Variants in AK4 observed in about 807,000 individuals in gnomAD.
AK4 encodes adenylate kinase 4, mitochondrial.
In AK4, 13 loss-of-function variants were observed where a neutral mutation model predicts 24.6. That is an observed-to-expected ratio of 0.53 (90% CI 0.34 to 0.84). The LOEUF (loss-of-function observed/expected upper bound fraction) is 0.84. AK4 is among the 40% of genes least tolerant of loss of function. The pLI is 0.01. For synonymous variants in AK4, 88 were observed against 107.0 expected, an observed-to-expected ratio of 0.82 and a Z score of 1.10; for missense variants, 192 against 288.2, an observed-to-expected ratio of 0.67 and a Z score of 2.42.
chr1:65,164,296 T>G (rs1441180667), intron 1 of AK4, among the ~76,000 whole-genome samples: 1 of 152,128 alleles, frequency 6.6e-6, no homozygotes, highest in Non-Finnish European at 1.5e-5. Context: ...GTCGGTTAGG[T>G]CTGATTTCTT....
At chr1:65,148,152 TGGA>T (rs1325004302), upstream of AK4, 1 of 645,602 alleles carries the variant, frequency 1.5e-6, no homozygotes, top group African/African-American at 1.9e-5. Context: ...GGCGAGGAGG[TGGA>T]GGAGGGCGAG....
chr1:65,225,935 G>A, intron 4 of AK4, 128 bp from the exon 5 acceptor site: 1 of 989,632 alleles, frequency 1.0e-6, no homozygotes, highest in Non-Finnish European at 1.5e-6. Flanking sequence ...GAAAGGGGCT[G>A]TTTTAGCACT....
chr1:65,176,154 A>G (rs894553519), intron 1 of AK4, among the ~76,000 whole-genome samples: 1 of 152,196 alleles, frequency 6.6e-6, no homozygotes, highest in Non-Finnish European at 1.5e-5. Flanking sequence ...CTAAGGAGGA[A>G]GAATTGTCTG....
chr1:65,219,654 C>T (rs1468851638), intron 3 of AK4, among the ~76,000 whole-genome samples: 8 of 150,346 alleles, frequency 5.3e-5, no homozygotes, highest in African/African-American at 1.7e-4. Context: ...ATGGAAAATC[C>T]CCTCCCTCAC....
At position 65,177,005 on chromosome 1, in the gene AK4, T is replaced by C. The variant is rs146428879; in HGVS notation, c.146-13705T>C. 4.7e-3 allele frequency among the ~76,000 whole-genome samples: 720 copies of C among 152,404 alleles called. 4 individuals carry two copies. Among genetic ancestry groups the C allele is most frequent in the African/African-American group, 0.017 (693 of 41,598 alleles). ...GATTAAGAGATGCATATTTGTACTT[T>C]CGAGCTCAAATCTAGGTTAAATAAT... is the stretch of plus-strand genomic sequence containing the variant. On this transcript the variant is annotated intron_variant, in intron 1 of 4. Coordinates refer to ENST00000327299, the MANE Select transcript of AK4 (RefSeq NM_013410.4).
rs750990772 is a variant in AK4, at chr1:65,218,852, C to T, written c.364C>T (p.Arg122Cys). 6 of 1,606,928 alleles carry T rather than the reference C, an allele frequency of 3.7e-6. No individual in the cohort carries two copies. Among genetic ancestry groups the T allele is most frequent in the Admixed American group, 3.4e-5 (2 of 58,870 alleles). The change falls in exon 3 of 5, where the codon CGT (arginine) becomes TGT (cysteine). Residue 122 changes from arginine to cysteine, a missense_variant. Coordinates refer to ENST00000327299, the MANE Select transcript of AK4 (RefSeq NM_013410.4). ...LNIPFETLKD[R>C]LSRRWIHPPS... The stretch of plus-strand genomic sequence containing the variant: ...TATTCCATTTGAAACACTTAAAGAT[C>T]GTCTCAGCCGCCGTTGGATTCACCC...
At chr1:65,212,141 G>A (rs1306004639) in intron 2 of AK4, among the ~76,000 whole-genome samples, 2 of 152,156 alleles carry the variant, frequency 1.3e-5, no homozygotes, top group Admixed American at 1.3e-4. Context: ...AGATGGGTAG[G>A]CCTTTGCAAG....
chr1:65,148,535 A>G lies in AK4; in HGVS notation c.128A>G (p.Asn43Ser), dbSNP rs1284537831. 1 of 1,600,546 alleles carries G rather than the reference A, an allele frequency of 6.2e-7. No homozygotes were observed. The highest frequency in any genetic ancestry group is 8.5e-7 in the Non-Finnish European group (1 of 1,173,704). Residue 43 changes from asparagine (N) to serine (S), a missense_variant, in exon 1 of 5, where the codon AAC becomes AGC. By Grantham distance (46) the Asn-to-Ser change is conservative (BLOSUM62 1). Coordinates refer to ENST00000327299, the MANE Select transcript of AK4 (RefSeq NM_013410.4). ...HLSSGHFLRE[N>S]IKASTEVGEM... ...TCCAGCGGCCACTTCTTGCGGGAGA[A>G]CATCAAGGCCAGCACCGGTGAGGGG... is the stretch of plus-strand genomic sequence containing the variant.
intron 1 of AK4, among the ~76,000 whole-genome samples, chr1:65,183,148 A>G (rs1650965636): frequency 6.6e-6 from 1 of 152,186 alleles, no homozygotes; most frequent in African/African-American, 2.4e-5. Context: ...CATACCCTAT[A>G]TTGTCAGAGG....
intron 1 of AK4, among the ~76,000 whole-genome samples, chr1:65,185,245 A>G (rs1430307309): frequency 6.6e-6 from 1 of 152,160 alleles, no homozygotes; most frequent in Non-Finnish European, 1.5e-5. Flanking sequence ...CCCCGTGCGT[A>G]GTTTAGTGCT....
chr1:65,225,029 T>C lies in AK4; in HGVS notation c.557+159T>C, dbSNP rs141794523. The stretch of plus-strand genomic sequence containing the variant: ...GAAGTCAGATGAAATGCTGGAGCTG[T>C]ACATGAAAGATAAGGTTCAATACTT... On this transcript the variant is annotated intron_variant, in intron 4 of 4. Transcript: ENST00000327299. 3.4e-4 allele frequency among the ~76,000 whole-genome samples: 52 copies of C among 152,350 alleles called. No homozygotes were observed. The East Asian group carries it at 8.5e-3, about 25-fold the overall frequency.
At chr1:65,171,480 T>C (rs1650522237) in intron 1 of AK4, among the ~76,000 whole-genome samples, 1 of 151,624 alleles carries the variant, frequency 6.6e-6, no homozygotes. Context: ...GCTAATTTTG[T>C]TTTTTCAGTA....
At chr1:65,176,987 A>G (rs1650738737) in intron 1 of AK4, among the ~76,000 whole-genome samples, 1 of 152,234 alleles carries the variant, frequency 6.6e-6, no homozygotes, top group African/African-American at 2.4e-5. Context: ...AGTGATTAAG[A>G]GATGCATATT....
At chr1:65,218,510 G>A (rs1652198455) in intron 2 of AK4, among the ~76,000 whole-genome samples, 1 of 152,062 alleles carries the variant, frequency 6.6e-6, no homozygotes, top group African/African-American at 2.4e-5. Context: ...GATATTCTTG[G>A]TTAAAGCTCA....
intron 1 of AK4, chr1:65,154,710 T>TG: frequency 3.4e-6 from 1 of 294,774 alleles, no homozygotes; most frequent in Non-Finnish European, 7.0e-6. Context: ...ACGATAGTTC[T>TG]TTGTACATAA....
At chr1:65,149,464 C>T (rs1452106208) in intron 1 of AK4, among the ~76,000 whole-genome samples, 2 of 152,160 alleles carry the variant, frequency 1.3e-5, no homozygotes, top group Non-Finnish European at 1.5e-5. Context: ...AGGCTCTTAA[C>T]CCTTCTGGGA....
At chr1:65,186,172 G>T (rs925429373) in intron 1 of AK4, among the ~76,000 whole-genome samples, 1 of 151,938 alleles carries the variant, frequency 6.6e-6, no homozygotes, top group African/African-American at 2.4e-5. Context: ...GTCTCGCTCT[G>T]TCGCCCAGGC....
intron 2 of AK4, among the ~76,000 whole-genome samples, chr1:65,207,643 T>A (rs1651852458): frequency 6.6e-6 from 1 of 151,668 alleles, no homozygotes; most frequent in South Asian, 2.1e-4. Flanking sequence ...GTACAGATGA[T>A]CCTGTCACCA....
chr1:65,231,166 G>A lies in AK4; in HGVS notation c.*4989G>A, dbSNP rs1652632968. 6.6e-6 allele frequency: 1 copy of A among 152,142 alleles called. No homozygotes were observed. The highest frequency in any genetic ancestry group is 1.5e-5 in the Non-Finnish European group (1 of 68,034). The allele number at this position is 152,142 out of a possible 1,614,324, so 9.4% of individuals were successfully genotyped here. On this transcript the variant is annotated 3_prime_UTR_variant, in exon 5 of 5. Transcript: ENST00000327299. The stretch of plus-strand genomic sequence containing the variant: ...AAATGAGAAGTGTGCAGGCCCCAGA[G>A]GTTGAGAAGCCATATTTCAACTGTG...
Sources: allele counts gnomAD v4.1 joint callset (sites outside exome capture counted in the v4.1 genomes callset), GRCh38; gene constraint gnomAD v4.1.1; transcripts MANE v1.5; gene names NCBI Gene and HGNC (gene_info 2026-07-23, HGNC 2026-07-21).